The following UNC13C variants were observed in gnomAD, a reference collection of about 807,000 sequenced individuals.
The protein encoded by UNC13C is protein unc-13 homolog C.
Under a neutral mutation model 245.4 loss-of-function variants are expected in UNC13C, and 174 were observed. The ratio of observed to expected loss-of-function variants is 0.71; its 90% confidence interval spans 0.63 to 0.80. UNC13C has a LOEUF of 0.80. UNC13C is among the 30% of genes least tolerant of loss of function. UNC13C has a pLI of 0.00. For missense variants in UNC13C, 2,829 were observed against 2,602.9 expected (o/e 1.09, Z -1.89); for synonymous variants, 992 against 895.1 (o/e 1.11, Z -1.93).
At chr15:54,547,252 T>A (rs1896527382) in intron 27 of UNC13C, among the ~76,000 whole-genome samples, 1 of 152,162 alleles carries the variant, frequency 6.6e-6, no homozygotes, top group Admixed American at 6.5e-5. Flanking sequence ...TTTTTTCACC[T>A]TTCTATTATG....
intron 4 of UNC13C, among the ~76,000 whole-genome samples, chr15:54,149,151 C>A (rs899443934): frequency 2.0e-5 from 3 of 152,090 alleles, no homozygotes; most frequent in Admixed American, 1.3e-4. Flanking sequence ...GCCTTTCTTC[C>A]CCTTTGGCTT....
chr15:54,046,983 A>G (rs1162868236), intron 2 of UNC13C, among the ~76,000 whole-genome samples: 1 of 152,146 alleles, frequency 6.6e-6, no homozygotes, highest in African/African-American at 2.4e-5. Flanking sequence ...ACATATTTAT[A>G]TGTAATTCCA....
intron 10 of UNC13C, among the ~76,000 whole-genome samples, chr15:54,285,022 CA>C (rs2037105802): frequency 6.6e-6 from 1 of 152,048 alleles, no homozygotes; most frequent in South Asian, 2.1e-4. Context: ...TTTATAAGGT[CA>C]TATTTTGCCC....
At chr15:54,329,156 A>G (rs2140990752) in intron 14 of UNC13C, among the ~76,000 whole-genome samples, 1 of 145,162 alleles carries the variant, frequency 6.9e-6, no homozygotes, top group East Asian at 2.1e-4. Context: ...CTAATTGGAT[A>G]CGTAATAGTT....
At chr15:53,946,149 G>A in the UNC13C span, among the ~76,000 whole-genome samples, 1 of 151,978 alleles carries the variant, frequency 6.6e-6, no homozygotes, top group Admixed American at 6.6e-5. Flanking sequence ...AAGGCTATGG[G>A]GTTTTCTAGT....
At chr15:54,454,520 G>A (rs1891363139) in intron 19 of UNC13C, among the ~76,000 whole-genome samples, 1 of 151,496 alleles carries the variant, frequency 6.6e-6, no homozygotes, top group Non-Finnish European at 1.5e-5. Context: ...GGAGGTTGCA[G>A]TGAGCTGAGA....
At chr15:54,589,260 G>C (rs917115863) in intron 30 of UNC13C, among the ~76,000 whole-genome samples, 4 of 113,456 alleles carry the variant, frequency 3.5e-5, no homozygotes, top group Non-Finnish European at 7.5e-5. Context: ...TCATATGCTT[G>C]TTAGCCATTT....
At chr15:54,544,075 C>G (rs1468936934) in intron 26 of UNC13C, among the ~76,000 whole-genome samples, 1 of 152,164 alleles carries the variant, frequency 6.6e-6, no homozygotes, top group Non-Finnish European at 1.5e-5. Flanking sequence ...AATCCAGCAG[C>G]ACATCAAAAA....
At chr15:54,180,324 AG>A (rs1258108548) in intron 4 of UNC13C, among the ~76,000 whole-genome samples, 2 of 152,070 alleles carry the variant, frequency 1.3e-5, no homozygotes, top group Non-Finnish European at 2.9e-5. Flanking sequence ...GCTGCTACAA[AG>A]GACATGATTT....
At chr15:53,986,079 T>A (rs1894128473) in intron 1 of UNC13C, among the ~76,000 whole-genome samples, 2 of 152,104 alleles carry the variant, frequency 1.3e-5, no homozygotes, top group South Asian at 4.1e-4. Context: ...GGTCTTTTTT[T>A]AAGTTTTCTT....
At chr15:54,499,105 G>A (rs566145257) in intron 20 of UNC13C, among the ~76,000 whole-genome samples, 2 of 152,172 alleles carry the variant, frequency 1.3e-5, no homozygotes, top group African/African-American at 4.8e-5. Flanking sequence ...GGCTGTACAA[G>A]AAGCATAGTG....
the UNC13C span, among the ~76,000 whole-genome samples, chr15:53,859,395 A>G: frequency 6.6e-6 from 1 of 152,288 alleles, no homozygotes; most frequent in East Asian, 1.9e-4. Context: ...TTCACAGACT[A>G]CTGAAATTAC....
the UNC13C span, among the ~76,000 whole-genome samples, chr15:53,947,422 T>C: frequency 6.6e-6 from 1 of 152,138 alleles, no homozygotes; most frequent in Non-Finnish European, 1.5e-5. Flanking sequence ...TCAACAACAG[T>C]CCTCATTTCA....
At chr15:54,068,511 A>G (rs924461595) in intron 2 of UNC13C, among the ~76,000 whole-genome samples, 1 of 152,172 alleles carries the variant, frequency 6.6e-6, no homozygotes, top group Non-Finnish European at 1.5e-5. Context: ...GTAACTGTAC[A>G]ATGGCAAAGT....
chr15:54,045,565 ACTTTTTC>A (rs1269254004), intron 2 of UNC13C, among the ~76,000 whole-genome samples: 2 of 152,154 alleles, frequency 1.3e-5, no homozygotes, highest in Non-Finnish European at 2.9e-5. Context: ...AGGTCGCAGT[ACTTTTTC>A]CTGCCACTCT....
chr15:54,199,751 T>A (rs1220879979), intron 4 of UNC13C, among the ~76,000 whole-genome samples: 5 of 151,968 alleles, frequency 3.3e-5, no homozygotes, highest in African/African-American at 1.2e-4. Context: ...AAAGCACAAA[T>A]CTCACAGGAC....
chr15:53,979,087 A>G (rs1319818302), intron 1 of UNC13C, among the ~76,000 whole-genome samples, 160 bp downstream of exon 1: 2 of 152,142 alleles, frequency 1.3e-5, no homozygotes, highest in Non-Finnish European at 2.9e-5. Flanking sequence ...CTGTTTTTAT[A>G]ATGTACATGA....
chr15:54,553,538 CAA>C (rs1193352079), intron 28 of UNC13C, among the ~76,000 whole-genome samples: 1 of 141,552 alleles, frequency 7.1e-6, no homozygotes, highest in Non-Finnish European at 1.5e-5. Flanking sequence ...ATATTTGCCT[CAA>C]AATATTTCAT....
chr15:53,999,337 A>C lies in UNC13C; in HGVS notation c.-256-13311A>C, dbSNP rs1595694897. Among the ~76,000 whole-genome samples the C allele has an allele frequency of 1.1e-4, 17 of 151,930 alleles. No individual in the cohort carries two copies. In the South Asian group the frequency reaches 3.3e-3, roughly 30 times the overall value. On this transcript the variant is annotated intron_variant, in intron 1 of 32. Transcript: ENST00000260323. ...ATAAGATATATATACATAGAGAAAA[A>C]TTCTTCCTTAGTTTTTATAATATGT...
Sources: gnomAD v4.1 joint callset for allele counts (sites outside exome capture counted in the v4.1 genomes callset) on GRCh38, gnomAD v4.1.1 for gene constraint, MANE v1.5 for transcripts, NCBI Gene and HGNC (gene_info 2026-07-23, HGNC 2026-07-21) for gene names.